PRSS37: variants seen among roughly 807,000 people sequenced by gnomAD.
The protein encoded by PRSS37 is probable inactive serine protease 37.
PRSS37 carries 25 observed loss-of-function variants against 28.0 expected under a neutral mutation model. The ratio of observed to expected loss-of-function variants is 0.89; its 90% CI spans 0.65 to 1.25. The LOEUF is 1.25. Among genes scored for constraint, PRSS37 ranks in the 50% most tolerant of loss-of-function variants. The probability of loss-of-function intolerance (pLI) is 0.00; values close to 1 mark genes in which losing one functional copy is unlikely to be tolerated. For missense variants in PRSS37, 282 were observed against 292.2 expected, an observed-to-expected ratio of 0.97 and a Z score of 0.25; for synonymous variants, 109 against 107.8, an observed-to-expected ratio of 1.01 and a Z score of -0.07.
intron 4 of PRSS37, 63 bp downstream of exon 4, chr7:141,837,049 A>T: frequency 1.3e-6 from 2 of 1,519,276 alleles, no homozygotes; most frequent in Non-Finnish European, 9.0e-7. Context: ...TTTTTACATC[A>T]AGAGTCAATA....
At position 141,841,468 on chromosome 7, in the gene PRSS37, G is replaced by A. The variant is rs954132776; in HGVS notation, c.-419C>T. 6 of 200,918 alleles carry A rather than the reference G, an allele frequency of 3.0e-5. No homozygotes were observed. Among genetic ancestry groups the A allele is most frequent in the Non-Finnish European group, 5.0e-5 (5 of 99,460 alleles). 12.4% of individuals were successfully genotyped at this position (200,918 alleles called of 1,614,324 possible). A position where few individuals can be genotyped will look rare whatever the true frequency, so the allele number is the denominator to read the frequency against. On this transcript the variant is annotated 5_prime_UTR_variant, in exon 1 of 5. Coordinates refer to ENST00000350549, the MANE Select transcript of PRSS37 (RefSeq NM_001008270.3). ...AATATTCTTTACCTTAGCTCAGGGAGTAAGTGTCCTGAGGTTTGCTCTGAA... is the reference window on the plus strand; with the variant it reads ...AATATTCTTTACCTTAGCTCAGGGAATAAGTGTCCTGAGGTTTGCTCTGAA...
intron 4 of PRSS37, 135 bp from the exon 5 acceptor site, chr7:141,836,670 A>G (rs1800968927): frequency 5.4e-6 from 5 of 924,520 alleles, no homozygotes; most frequent in Non-Finnish European, 7.9e-6. Context: ...GCACCGAATC[A>G]GGGGACAGGA....
chr7:141,838,665 C>G (rs1038132953), intron 2 of PRSS37: 2 of 243,350 alleles, frequency 8.2e-6, no homozygotes, highest in African/African-American at 4.6e-5. Context: ...GAGTACTTAT[C>G]CTCCCAGGTC....
At chr7:141,836,570 AG>A in intron 4 of PRSS37, 35 bp from the exon 5 acceptor site, 1 of 1,609,486 alleles carries the variant, frequency 6.2e-7, no homozygotes, top group Non-Finnish European at 8.5e-7. Flanking sequence ...AGAGAGAGAG[AG>A]AGTAAGAGTG....
rs1563052738 is a variant in PRSS37 at position 141,839,375 on chromosome 7, GT to G, written c.138del (p.Lys46AsnfsTer16). 6.2e-7 allele frequency: 1 copy of G among 1,613,906 alleles called. No homozygotes were observed. The highest frequency in any genetic ancestry group is 1.1e-5 in the South Asian group (1 of 91,064). Reference protein sequence around the residue: ...HFNPCVGVLIKPSWVLAPAHC... With the variant: ...HFNPCVGVLIXPSWVLAPAHC... ...TGAGCTGGGGCCAGCACCCAGCTGG[GT>G]TTGATGAGGACGCCCACACAGGGGT... On this transcript the variant is annotated frameshift_variant, in exon 2 of 5. Transcript: ENST00000350549. LOFTEE classifies it high-confidence loss of function.
chr7:141,840,911 A>C (rs940127097), intron 1 of PRSS37, 105 bp downstream of exon 1: 22 of 1,122,240 alleles, frequency 2.0e-5, no homozygotes, highest in Non-Finnish European at 2.8e-5. Flanking sequence ...TGCTGATGAC[A>C]CTATTTTTGA....
chr7:141,838,022 T>A lies in PRSS37; in HGVS notation c.268A>T (p.Asn90Tyr). The A allele has an allele frequency of 6.2e-7, 1 of 1,614,152 alleles. No individual in the cohort carries two copies. The highest frequency in any genetic ancestry group is 8.5e-7 in the Non-Finnish European group (1 of 1,180,028). ...INPIQIVRYW[N>Y]YSHSAPQDDL... ...TCCTGTGGGGCGCTATGACTGTAGT[T>A]CCAGTAGCGGACGATCTGAATGGGG... The change falls in exon 3 of 5, where the codon AAC (asparagine) becomes TAC (tyrosine). Residue 90 changes from asparagine (N) to tyrosine (Y), a missense_variant. Transcript: ENST00000350549.
rs1276089013 is a variant in PRSS37 at position 141,837,959 on chromosome 7, G to A, written c.331C>T (p.Leu111Phe). ...MLIKLAKPAM[L>F]NPKVQPLTLA... is the part of the protein sequence containing the mutation. Reference sequence around the variant, plus strand: ...GTAAGGGGCTGGACTTTGGGATTGAGCATGGCAGGCTTAGCCAGCTTGATG... The same window carrying A: ...GTAAGGGGCTGGACTTTGGGATTGAACATGGCAGGCTTAGCCAGCTTGATG... Residue 111 changes from leucine (L) to phenylalanine (F), a missense_variant, in exon 3 of 5, where the codon CTC (leucine) becomes TTC (phenylalanine). Physicochemically the swap from Leu to Phe is conservative, Grantham distance 22. Transcript: ENST00000350549. The A allele has an allele frequency of 6.2e-7, 1 of 1,614,174 alleles. No homozygotes were observed. Among genetic ancestry groups the A allele is most frequent in the Non-Finnish European group, 8.5e-7 (1 of 1,180,034 alleles).
At chr7:141,837,332 G>T in intron 3 of PRSS37, 84 bp from the exon 4 acceptor site, 2 of 1,449,192 alleles carry the variant, frequency 1.4e-6, no homozygotes, top group East Asian at 2.3e-5. Context: ...ATTTCAACTG[G>T]TATCTTTTTG....
At chr7:141,836,916 G>A (rs1295238601) in intron 4 of PRSS37, among the ~76,000 whole-genome samples, 196 bp downstream of exon 4, 2 of 152,172 alleles carry the variant, frequency 1.3e-5, no homozygotes, top group Non-Finnish European at 2.9e-5. Flanking sequence ...TTAACTGGAA[G>A]TACTTTATAA....
At chr7:141,838,439 T>C (rs1584802263) in intron 2 of PRSS37, 2 of 1,196,970 alleles carry the variant, frequency 1.7e-6, no homozygotes, top group East Asian at 9.9e-5. Flanking sequence ...CTGAACAATG[T>C]CCATTTTGGT....
Position 141,838,312 on chromosome 7 carries a change from C to G in PRSS37, c.177-199G>C, listed in dbSNP as rs538401521. The G allele has an allele frequency of 1.7e-4, 246 of 1,427,920 alleles. No homozygotes were observed. The African/African-American group carries it at 3.0e-3, about 17-fold the overall frequency. The allele number at this position is 1,427,920 out of a possible 1,614,324, so 88.5% of individuals were successfully genotyped here. On this transcript the variant is annotated intron_variant, in intron 2 of 4. Coordinates refer to ENST00000350549, the MANE Select transcript of PRSS37 (RefSeq NM_001008270.3). ...AATGGGGGCACATAGGAGTAATTCA[C>G]TCAGGGTGATATAGTAAGTAGTGGA...
At position 141,841,069 on chromosome 7, in the gene PRSS37, C is replaced by A. The variant is rs556439728; in HGVS notation, c.-20G>T. On this transcript the variant is annotated 5_prime_UTR_variant, in exon 1 of 5. It adds an upstream start codon to the 5' untranslated region. Transcript: ENST00000350549. ...TTTCATGGTGATCCAGCTCTTCCCC[C>A]TGTGAGATGTAGAAGAAAATCAGCA... is the stretch of plus-strand genomic sequence containing the variant. 13 of 1,613,464 alleles carry A rather than the reference C, an allele frequency of 8.1e-6. No individual in the cohort carries two copies. Among genetic ancestry groups the A allele is most frequent in the African/African-American group, 2.7e-5 (2 of 75,034 alleles).
chr7:141,837,412 C>A, intron 3 of PRSS37, 164 bp from the exon 4 acceptor site: 1 of 1,076,974 alleles, frequency 9.3e-7, no homozygotes, highest in East Asian at 2.6e-5. Context: ...ATGAGCTAAT[C>A]TTGAGGATTT....
intron 2 of PRSS37, chr7:141,839,053 G>A: frequency 1.7e-6 from 1 of 591,990 alleles, no homozygotes. Context: ...GTCTGAGGAG[G>A]CATAACATGT....
chr7:141,841,171 A>G lies in PRSS37; in HGVS notation c.-122T>C. ...AGTGGCTATGGTTAGATACGGAGGC[A>G]CTCCATGGGATTGGAAAGCAGCTCT... On this transcript the variant is annotated 5_prime_UTR_variant, in exon 1 of 5. Coordinates refer to ENST00000350549, the MANE Select transcript of PRSS37 (RefSeq NM_001008270.3). The G allele has an allele frequency of 6.5e-7, 1 of 1,544,546 alleles. No homozygotes were observed. Among genetic ancestry groups the G allele is most frequent in the South Asian group, 1.2e-5 (1 of 82,544 alleles).
At chr7:141,838,796 T>G (rs745674102) in intron 2 of PRSS37, 1 of 335,960 alleles carries the variant, frequency 3.0e-6, no homozygotes, top group Non-Finnish European at 5.8e-6. Flanking sequence ...CCTTTGAAAT[T>G]ATCTTCTCCT....
Position 141,837,114 on chromosome 7 carries a change from C to CA in PRSS37, c.564dup (p.Gly189TrpfsTer41). The stretch of plus-strand genomic sequence containing the variant: ...GCTGAATATAGAGATAAGATTACCC[C>CA]AAAAATTCGGCTGAATACTTTCACA... On this transcript the variant is annotated frameshift_variant, in exon 4 of 5. Coordinates refer to ENST00000350549, the MANE Select transcript of PRSS37 (RefSeq NM_001008270.3). LOFTEE classifies it high-confidence loss of function. 1.9e-6 allele frequency: 3 copies of CA among 1,612,250 alleles called. No individual in the cohort carries two copies. The highest frequency in any genetic ancestry group is 2.5e-6 in the Non-Finnish European group (3 of 1,179,486).
At chr7:141,836,992 A>C (rs896740716) in intron 4 of PRSS37, 120 bp downstream of exon 4, 13 of 1,025,602 alleles carry the variant, frequency 1.3e-5, no homozygotes, top group Non-Finnish European at 1.9e-5. Flanking sequence ...CTGGCTTTGC[A>C]GCAGCCTTAT....
Sources: allele counts gnomAD v4.1 joint callset (sites outside exome capture counted in the v4.1 genomes callset), GRCh38; gene constraint gnomAD v4.1.1; transcripts MANE v1.5; gene names NCBI Gene and HGNC (gene_info 2026-07-23, HGNC 2026-07-21).